Variants in VPS28 observed in about 807,000 individuals in gnomAD.
VPS28 encodes the protein vacuolar protein sorting-associated protein 28 homolog.
In VPS28, 29 loss-of-function variants were observed where a neutral mutation model predicts 33.7. The observed-to-expected ratio is 0.86, with a 90% CI of 0.64 to 1.17. VPS28 has a LOEUF of 1.17. Ranked by LOEUF, VPS28 falls within the 50% of genes most tolerant of loss-of-function variation. VPS28 has a pLI of 0.00. For missense variants in VPS28, 247 were observed against 312.2 expected (o/e 0.79, Z 1.57); for synonymous variants, 164 against 116.7 (o/e 1.40, Z -2.61).
At chr8:144,424,532 G>A in intron 7 of VPS28, 186 bp downstream of exon 7, 5 of 801,220 alleles carry the variant, frequency 6.2e-6, no homozygotes, top group Non-Finnish European at 9.7e-6. Flanking sequence ...CCCCCGACAG[G>A]AGTCCAGGTG....
rs1554876948 is a variant in VPS28, at chr8:144,426,913, T to A, written c.33A>T (p.Ile11=). Residue 11 remains isoleucine, a synonymous_variant, in exon 2 of 10, where the codon ATA becomes ATT. Coordinates refer to ENST00000292510, the MANE Select transcript of VPS28 (RefSeq NM_016208.4). MFHGIPATPG[I]GAPGNKPELY... ...CGCCCTTCCAGCCACACTCACCTCCTATGCCCGGCGTGGCTGGGATCCCAT... is the reference window on the plus strand; with the variant it reads ...CGCCCTTCCAGCCACACTCACCTCCAATGCCCGGCGTGGCTGGGATCCCAT... The A allele has an allele frequency of 3.1e-6, 5 of 1,612,504 alleles. No homozygotes were observed. The South Asian group carries it at 5.5e-5, about 18-fold the overall frequency.
At chr8:144,426,147 C>T (rs1554876701) in intron 3 of VPS28, 33 bp downstream of exon 3, 3 of 1,596,050 alleles carry the variant, frequency 1.9e-6, no homozygotes, top group Admixed American at 1.7e-5. Context: ...TTGCTGTTGG[C>T]CAATGCCGGC....
At chr8:144,426,807 G>T in intron 2 of VPS28, 102 bp downstream of exon 2, 1 of 1,344,540 alleles carries the variant, frequency 7.4e-7, no homozygotes, top group Non-Finnish European at 1.0e-6. Context: ...CTGTACGAGA[G>T]CAGGGTCAGA....
At chr8:144,424,160 C>T (rs750039054) in intron 8 of VPS28, 28 bp from the exon 9 acceptor site, 17 of 1,553,558 alleles carry the variant, frequency 1.1e-5, no homozygotes, top group Middle Eastern at 3.5e-4. Context: ...GCTGGGACCC[C>T]GACGCCGGCT....
At chr8:144,426,342 GCA>G (rs1822741985) in intron 2 of VPS28, 134 bp from the exon 3 acceptor site, 1 of 1,239,538 alleles carries the variant, frequency 8.1e-7, no homozygotes, top group East Asian at 2.6e-5. Context: ...GGGAGCTGGA[GCA>G]CAGAGGTTCC....
chr8:144,423,983 C>G, intron 9 of VPS28, 58 bp downstream of exon 9: 2 of 1,609,706 alleles, frequency 1.2e-6, no homozygotes, highest in Non-Finnish European at 8.5e-7. Context: ...CGGGGCTCCG[C>G]CTGGCTGGGA....
intron 5 of VPS28, chr8:144,425,376 T>C (rs561543099): frequency 2.0e-5 from 11 of 544,838 alleles, no homozygotes; most frequent in Admixed American, 3.2e-5. Context: ...TGTCACTTCA[T>C]TGAACAAAGC....
intron 6 of VPS28, 39 bp downstream of exon 6, chr8:144,424,905 GAC>G: frequency 6.2e-7 from 1 of 1,607,814 alleles, no homozygotes. Context: ...ACCCATGCCC[GAC>G]AGTCTCGCCC....
In VPS28 at chr8:144,426,007, C is replaced by T. The variant is rs782590350; in HGVS notation, c.104+19G>A. On this transcript the variant is annotated intron_variant, in intron 4 of 9. Transcript: ENST00000292510. The stretch of plus-strand genomic sequence containing the variant: ...GATGCGCATGGGTGTGTTGGGACAG[C>T]CTGGGCGCCTGGACTTACTTCTCCC... 4.0e-6 allele frequency: 6 copies of T among 1,501,270 alleles called. No homozygotes were observed. The highest frequency in any genetic ancestry group is 5.4e-6 in the Non-Finnish European group (6 of 1,116,654). 93.0% of individuals were successfully genotyped at this position (1,501,270 alleles called of 1,614,324 possible).
intron 5 of VPS28, chr8:144,425,318 T>A: frequency 1.7e-6 from 1 of 579,078 alleles, no homozygotes; most frequent in South Asian, 2.0e-5. Context: ...TCTGTTGTGA[T>A]GGCCGCATCC....
At position 144,424,059 on chromosome 8, in the gene VPS28, C is replaced by T. The variant is rs782808890; in HGVS notation, c.530G>A (p.Arg177His). Reference protein sequence around the residue: ...MSHLPPDFEGRQTVSQWLQTL... With the variant: ...MSHLPPDFEGHQTVSQWLQTL... The stretch of plus-strand genomic sequence containing the variant: ...CACCCACCACTGGCTGACCGTCTGG[C>T]GGCCCTCAAAGTCGGGTGGGAGGTG... The change falls in exon 9 of 10, where the codon CGC becomes CAC. Residue 177 changes from arginine to histidine, a missense_variant. By Grantham distance (29) the Arg-to-His change is conservative. Transcript: ENST00000292510. The T allele has an allele frequency of 4.3e-5, 67 of 1,572,758 alleles. No homozygotes were observed. The highest frequency in any genetic ancestry group is 6.7e-5 in the African/African-American group (5 of 74,178).
rs782462248 is a variant in VPS28 at position 144,426,130 on chromosome 8, C to A, written c.66+50G>T. On this transcript the variant is annotated intron_variant, in intron 3 of 9. Transcript: ENST00000292510. ...GCTGCAGGACCCTGGTGAGGCCACA[C>A]AGGCATTTGCTGTTGGCCAATGCCG... 3 of 1,585,812 alleles carry A rather than the reference C, an allele frequency of 1.9e-6. No homozygotes were observed. The Admixed American group carries it at 5.3e-5, about 28-fold the overall frequency.
intron 4 of VPS28, 65 bp from the exon 5 acceptor site, chr8:144,425,837 C>CCCCTGCCCGGAGGTGCCACT: frequency 6.2e-7 from 1 of 1,603,464 alleles, no homozygotes; most frequent in Non-Finnish European, 8.5e-7. Context: ...AGAGTGCTAC[C>CCCCTGCCCGGAGGTGCCACT]CCCTGCCCGG....
Position 144,426,216 on chromosome 8 carries a change from A to T in VPS28, c.38-8T>A. 2 of 1,599,896 alleles carry T rather than the reference A, an allele frequency of 1.3e-6. No individual in the cohort carries two copies. Among genetic ancestry groups the T allele is most frequent in the Non-Finnish European group, 1.7e-6 (2 of 1,173,438 alleles). ...CCGGCTTGTTCCCAGGGGCTGCAAG[A>T]GAAGGCAGAGAGCTGGCAGGCTGGC... On this transcript the variant is annotated splice_region_variant and splice_polypyrimidine_tract_variant and intron_variant, in intron 2 of 9. Transcript: ENST00000292510.
chr8:144,423,917 T>C lies in VPS28; in HGVS notation c.554A>G (p.Gln185Arg). Reference sequence around the variant, plus strand: ...TGACGCCGACATGCCGCTCAGGGTCTGCAGCCTGGGAGTGCAGCACAGGGC... The same window carrying C: ...TGACGCCGACATGCCGCTCAGGGTCCGCAGCCTGGGAGTGCAGCACAGGGC... ...EGRQTVSQWL[Q>R]TLSGMSASDE... The change falls in exon 10 of 10, where the codon CAG (glutamine) becomes CGG (arginine). Residue 185 changes from glutamine (Q) to arginine (R), a missense_variant. By Grantham distance (43) the Gln-to-Arg change is conservative. Around this residue, in one of 3 missense-constraint regions of VPS28, gnomAD observed 95 missense variants for 118.3 expected, o/e 0.80. Coordinates refer to ENST00000292510, the MANE Select transcript of VPS28 (RefSeq NM_016208.4). 6.2e-7 allele frequency: 1 copy of C among 1,613,128 alleles called. No homozygotes were observed. The highest frequency in any genetic ancestry group is 8.5e-7 in the Non-Finnish European group (1 of 1,179,998).
intron 7 of VPS28, 87 bp downstream of exon 7, chr8:144,424,631 C>T (rs1822594396): frequency 2.1e-6 from 3 of 1,407,352 alleles, no homozygotes; most frequent in African/African-American, 1.4e-5. Context: ...CTGCTCAGCT[C>T]TGGAGGCCCA....
intron 4 of VPS28, 66 bp downstream of exon 4, chr8:144,425,960 A>T (rs1187637571): frequency 3.4e-6 from 5 of 1,470,996 alleles, no homozygotes; most frequent in Non-Finnish European, 4.5e-6. Flanking sequence ...GTGGGTCTGG[A>T]GGGGCTGCCC....
chr8:144,425,722 A>G lies in VPS28; in HGVS notation c.155T>C (p.Leu52Pro), dbSNP rs782124620. 6.2e-7 allele frequency: 1 copy of G among 1,613,860 alleles called. No homozygotes were observed. The highest frequency in any genetic ancestry group is 8.5e-7 in the Non-Finnish European group (1 of 1,179,906). Residue 52 changes from leucine (L) to proline (P), a missense_variant, in exon 5 of 10, where the codon CTG becomes CCG. By Grantham distance (98) the Leu-to-Pro change is moderately conservative. This residue lies in a region of VPS28 where 149 missense variants were observed against 172.8 expected (regional missense o/e 0.86). Coordinates refer to ENST00000292510, the MANE Select transcript of VPS28 (RefSeq NM_016208.4). ...ACAGTCCTTGATGTAGGCCTTCTCC[A>G]GGGCTTGCATTGTCTTCACCACCGC... Reference protein sequence around the residue: ...LFAVVKTMQALEKAYIKDCVS... With the variant: ...LFAVVKTMQAPEKAYIKDCVS...
At chr8:144,427,832 G>A (rs782317691) in intron 1 of VPS28, among the ~76,000 whole-genome samples, 2 of 152,208 alleles carry the variant, frequency 1.3e-5, no homozygotes, top group African/African-American at 2.4e-5. Flanking sequence ...TTTGAGATAG[G>A]ATTAAAATAA....
Sources: gnomAD v4.1 joint callset for allele counts (sites outside exome capture counted in the v4.1 genomes callset) on GRCh38, gnomAD v4.1.1 for gene constraint, gnomAD v4.1.1 regional missense constraint, MANE v1.5 for transcripts, NCBI Gene and HGNC (gene_info 2026-07-23, HGNC 2026-07-21) for gene names.